SIPA1: variants seen among roughly 807,000 people sequenced by gnomAD.
SIPA1 encodes the protein signal-induced proliferation-associated protein 1.
In SIPA1, 51 loss-of-function variants were observed where a neutral mutation model predicts 88.1. The observed-to-expected ratio is 0.58, with a 90% CI of 0.46 to 0.73. The LOEUF is 0.73. SIPA1 is among the 30% of genes least tolerant of loss of function. The probability of loss-of-function intolerance (pLI) is 0.00; values close to 1 mark genes in which losing one functional copy is unlikely to be tolerated. For synonymous variants in SIPA1, 681 were observed against 664.8 expected (o/e 1.02, Z -0.37); for missense variants, 1,348 against 1,467.6 (o/e 0.92, Z 1.33).
At position 65,650,405 on chromosome 11, in the gene SIPA1, G is replaced by A; in HGVS notation, c.2908G>A (p.Glu970Lys). 6.2e-7 allele frequency: 1 copy of A among 1,614,024 alleles called. No homozygotes were observed. Among genetic ancestry groups the A allele is most frequent in the Non-Finnish European group, 8.5e-7 (1 of 1,179,970 alleles). ...KGTPKSDAEP[E>K]PGNLSEKVSH... ...TCTTGACCCCCATGTCTTCAGGCCA[G>A]AGCCTGGGAACCTCTCAGAGAAGGT... The change falls in exon 15 of 16, where the codon GAG becomes AAG. Residue 970 changes from glutamate (E) to lysine (K), a missense_variant. Transcript: ENST00000534313.
rs182387270 is a variant in SIPA1, at chr11:65,643,064, T to C, written c.984+425T>C. Among the ~76,000 whole-genome samples, 1,276 of 152,152 alleles carry C rather than the reference T, an allele frequency of 8.4e-3. 19 individuals carry two copies. Among genetic ancestry groups the C allele is most frequent in the African/African-American group, 0.03 (1,228 of 41,490 alleles). ...CTGAGTAGCTGGGATTACAGGTGCATGCCACCACGCCCAGCTAATTTTTGT... is the reference window on the plus strand; with the variant it reads ...CTGAGTAGCTGGGATTACAGGTGCACGCCACCACGCCCAGCTAATTTTTGT... On this transcript the variant is annotated intron_variant, in intron 4 of 15. Coordinates refer to ENST00000534313, the MANE Select transcript of SIPA1 (RefSeq NM_006747.4).
chr11:65,649,935 T>A lies in SIPA1; in HGVS notation c.2747-15T>A. ...CCTGGGCTTCCCTAGCTCAGCCTGC[T>A]CCTTGTGCCCACAGTCATGTCGGAG... is the stretch of plus-strand genomic sequence containing the variant. On this transcript the variant is annotated splice_polypyrimidine_tract_variant and intron_variant, in intron 12 of 15. Transcript: ENST00000534313. 1 of 1,613,798 alleles carries A rather than the reference T, an allele frequency of 6.2e-7. No individual in the cohort carries two copies.
intron 9 of SIPA1, 50 bp downstream of exon 9, chr11:65,647,708 C>T: frequency 7.8e-7 from 1 of 1,288,188 alleles, no homozygotes; most frequent in Non-Finnish European, 9.9e-7. Flanking sequence ...AGTTGGCCAC[C>T]GCGCAGTCTG....
intron 8 of SIPA1, 75 bp from the exon 9 acceptor site, chr11:65,647,309 C>T: frequency 7.3e-7 from 1 of 1,367,866 alleles, no homozygotes; most frequent in East Asian, 3.0e-5. Flanking sequence ...TGGCCTGGGA[C>T]GCAGTCCAGG....
At position 65,649,644 on chromosome 11, in the gene SIPA1, G is replaced by A; in HGVS notation, c.2609G>A (p.Ser870Asn). 1.2e-6 allele frequency: 2 copies of A among 1,614,044 alleles called. No homozygotes were observed. Among genetic ancestry groups the A allele is most frequent in the Non-Finnish European group, 8.5e-7 (1 of 1,180,024 alleles). The change falls in exon 11 of 16, where the codon AGT becomes AAT. Residue 870 changes from serine to asparagine, a missense_variant. By Grantham distance (46) the Ser-to-Asn change is conservative (BLOSUM62 1). Coordinates refer to ENST00000534313, the MANE Select transcript of SIPA1 (RefSeq NM_006747.4). ...LATTAKPSVPSADSETPLTQD... is the reference protein window; with the variant it reads ...LATTAKPSVPNADSETPLTQD... ...ACCACAGCCAAGCCATCAGTACCCA[G>A]TGCTGACAGTGAGACACCCCTGACC... is the stretch of plus-strand genomic sequence containing the variant.
chr11:65,638,614 C>T (rs1161013651), intron 1 of SIPA1, among the ~76,000 whole-genome samples: 1 of 152,218 alleles, frequency 6.6e-6, no homozygotes, highest in East Asian at 1.9e-4. Context: ...GGGGTCATGA[C>T]CTCCAGATGT....
At position 65,644,286 on chromosome 11, in the gene SIPA1, C is replaced by T. The variant is rs183303605; in HGVS notation, c.985-669C>T. On this transcript the variant is annotated intron_variant, in intron 4 of 15. Coordinates refer to ENST00000534313, the MANE Select transcript of SIPA1 (RefSeq NM_006747.4). Reference sequence around the variant, plus strand: ...GAGAAGAGGCCCAGGCAGAAGAGGGCGGGGTTCCTGGGGCCCTAGGCAAGG... The same window carrying T: ...GAGAAGAGGCCCAGGCAGAAGAGGGTGGGGTTCCTGGGGCCCTAGGCAAGG... Among the ~76,000 whole-genome samples the T allele has an allele frequency of 2.1e-3, 311 of 150,386 alleles. 3 individuals carry two copies. Among genetic ancestry groups the T allele is most frequent in the East Asian group, 8.7e-3 (44 of 5,074 alleles).
rs1213522757 is a variant in SIPA1 at position 65,645,931 on chromosome 11, C to T, written c.1237C>T (p.Pro413Ser). The change falls in exon 6 of 16, where the codon CCT (proline) becomes TCT (serine). Residue 413 changes from proline (P) to serine (S), a missense_variant. Physicochemically the swap from Pro to Ser is moderately conservative, Grantham distance 74. Transcript: ENST00000534313. ...CATGTTCCACGTGTCCACGATGCTG[C>T]CTTACACCCCTAATAACCAGCAGCA... Reference protein sequence around the residue: ...EIMFHVSTMLPYTPNNQQQLL... With the variant: ...EIMFHVSTMLSYTPNNQQQLL... The T allele has an allele frequency of 6.2e-7, 1 of 1,613,110 alleles. No individual in the cohort carries two copies. Among genetic ancestry groups the T allele is most frequent in the Non-Finnish European group, 8.5e-7 (1 of 1,179,452 alleles).
In SIPA1 at chr11:65,650,580, C is replaced by T. The variant is rs1369682055; in HGVS notation, c.2994C>T (p.Asp998=). 17 of 1,600,412 alleles carry T rather than the reference C, an allele frequency of 1.1e-5. No individual in the cohort carries two copies. The highest frequency in any genetic ancestry group is 1.4e-5 in the Non-Finnish European group (16 of 1,173,256). Reference sequence around the variant, plus strand: ...CCCCGGCACCCCAGGAGAAGGCGGACAGGGCGGCCCTGGAGGAGGAGGTGC... The same window carrying T: ...CCCCGGCACCCCAGGAGAAGGCGGATAGGGCGGCCCTGGAGGAGGAGGTGC... The part of the protein sequence containing the change: ...LQEDLQKEKA[D]RAALEEEVRS... The change falls in exon 16 of 16, where the codon GAC becomes GAT. Residue 998 remains aspartate (D), a synonymous_variant. Coordinates refer to ENST00000534313, the MANE Select transcript of SIPA1 (RefSeq NM_006747.4).
Position 65,646,248 on chromosome 11 carries a change from G to T in SIPA1, c.1291G>T (p.Asp431Tyr), listed in dbSNP as rs775850940. Reference sequence around the variant, plus strand: ...CCTCCGGAAGCGCCACATTGGCAACGACATTGTGACCATCGTGTTCCAGGA... The same window carrying T: ...CCTCCGGAAGCGCCACATTGGCAACTACATTGTGACCATCGTGTTCCAGGA... ...QLLRKRHIGN[D>Y]IVTIVFQEPG... Residue 431 changes from aspartate (D) to tyrosine (Y), a missense_variant, in exon 7 of 16, where the codon GAC becomes TAC. Around this residue, in one of 4 missense-constraint regions of SIPA1, gnomAD observed 641 missense variants for 797.7 expected, o/e 0.80. Coordinates refer to ENST00000534313, the MANE Select transcript of SIPA1 (RefSeq NM_006747.4). This position sits in a 1 kb window ranked among gnomAD's most constrained non-coding sequence, Gnocchi z 7.5. The T allele has an allele frequency of 6.2e-7, 1 of 1,614,082 alleles. No homozygotes were observed. The highest frequency in any genetic ancestry group is 8.5e-7 in the Non-Finnish European group (1 of 1,179,996).
At position 65,647,605 on chromosome 11, in the gene SIPA1, GC is replaced by G; in HGVS notation, c.2256del (p.Lys753ArgfsTer46). On this transcript the variant is annotated frameshift_variant, in exon 9 of 16. Coordinates refer to ENST00000534313, the MANE Select transcript of SIPA1 (RefSeq NM_006747.4). LOFTEE classifies it high-confidence loss of function. ...EAAAQLLRSA[P>X]KVCVTVLPPD... ...CCGCTGCCCAGCTCCTGCGCTCGGC[GC>G]CCAAGGTCTGCGTCACCGTCCTGCC... The G allele has an allele frequency of 1.4e-6, 2 of 1,403,394 alleles. No individual in the cohort carries two copies. Among genetic ancestry groups the G allele is most frequent in the Non-Finnish European group, 1.8e-6 (2 of 1,082,630 alleles). 86.9% of individuals were successfully genotyped at this position (1,403,394 alleles called of 1,614,324 possible). A position where few individuals can be genotyped will look rare whatever the true frequency, so the allele number is the denominator to read the frequency against.
chr11:65,642,633 G>A lies in SIPA1; in HGVS notation c.978G>A (p.Glu326=). Residue 326 remains glutamate (E), a synonymous_variant, in exon 4 of 16, where the codon GAG becomes GAA. Transcript: ENST00000534313. This position sits in a 1 kb window ranked among gnomAD's most constrained non-coding sequence, Gnocchi z 6.5. ...KVPRTLLTLD[E]QVLSFQRKVG... is the part of the protein sequence containing the mutation. Reference sequence around the variant, plus strand: ...CACGGACGCTGCTCACACTGGATGAGCAAGTGGTGAGTGGCGGGCCGCGGA... The same window carrying A: ...CACGGACGCTGCTCACACTGGATGAACAAGTGGTGAGTGGCGGGCCGCGGA... 1 of 1,560,022 alleles carries A rather than the reference G, an allele frequency of 6.4e-7. No homozygotes were observed. Among genetic ancestry groups the A allele is most frequent in the Non-Finnish European group, 8.7e-7 (1 of 1,155,404 alleles).
At position 65,646,528 on chromosome 11, in the gene SIPA1, A is replaced by T; in HGVS notation, c.1494A>T (p.Ala498=). ...PALPAGGGPF[A]ANADFRAFLL... ...TGCCTGCTGGCGGAGGCCCCTTCGC[A>T]GCCAACGCCGACTTCCGGGCCTTCC... The change falls in exon 8 of 16, where the codon GCA becomes GCT. Residue 498 remains alanine, a synonymous_variant. Transcript: ENST00000534313. The surrounding 1 kb of genome is among the most constrained non-coding windows in gnomAD (Gnocchi z 7.5). 1 of 1,566,480 alleles carries T rather than the reference A, an allele frequency of 6.4e-7. No homozygotes were observed. The highest frequency in any genetic ancestry group is 8.6e-7 in the Non-Finnish European group (1 of 1,162,798).
chr11:65,645,810 T>C (rs1458526408), intron 5 of SIPA1, 44 bp from the exon 6 acceptor site: 4 of 1,438,466 alleles, frequency 2.8e-6, no homozygotes, highest in African/African-American at 1.4e-5. Context: ...CCACTTAGAT[T>C]CCCCTTGTTT....
Position 65,649,452 on chromosome 11 carries a change from C to T in SIPA1, c.2497C>T (p.His833Tyr). The T allele has an allele frequency of 6.2e-7, 1 of 1,610,280 alleles. No individual in the cohort carries two copies. Among genetic ancestry groups the T allele is most frequent in the Non-Finnish European group, 8.5e-7 (1 of 1,178,176 alleles). Residue 833 changes from histidine to tyrosine, a missense_variant, in exon 10 of 16, where the codon CAC (histidine) becomes TAC (tyrosine). Coordinates refer to ENST00000534313, the MANE Select transcript of SIPA1 (RefSeq NM_006747.4). Reference sequence around the variant, plus strand: ...GGCCGAGGAGAGGACTGAGTTCCTGCACAGCCAGAACTCGCTGTCACCACG... The same window carrying T: ...GGCCGAGGAGAGGACTGAGTTCCTGTACAGCCAGAACTCGCTGTCACCACG... ...DLAEERTEFL[H>Y]SQNSLSPRSS...
intron 8 of SIPA1, 66 bp from the exon 9 acceptor site, chr11:65,647,318 G>A (rs540171854): frequency 2.9e-5 from 40 of 1,368,846 alleles, no homozygotes; most frequent in Non-Finnish European, 3.6e-5. Flanking sequence ...ACGCAGTCCA[G>A]GGGGCGGGCG....
chr11:65,641,879 C>T (rs1856010753), intron 2 of SIPA1, among the ~76,000 whole-genome samples: 1 of 152,208 alleles, frequency 6.6e-6, no homozygotes, highest in Non-Finnish European at 1.5e-5. Context: ...GAGAGATTCC[C>T]TATGGGCTTT....
At chr11:65,639,453 G>C (rs1354271261) in intron 1 of SIPA1, among the ~76,000 whole-genome samples, 2 of 152,212 alleles carry the variant, frequency 1.3e-5, no homozygotes, top group African/African-American at 4.8e-5. Context: ...CTCAAGGTCA[G>C]CATGGGAGTT....
At position 65,650,681 on chromosome 11, in the gene SIPA1, A is replaced by T; in HGVS notation, c.3095A>T (p.Lys1032Met). Residue 1032 changes from lysine (K) to methionine (M), a missense_variant, in exon 16 of 16, where the codon AAG becomes ATG. Lys to Met is a moderately conservative substitution (Grantham distance 95, BLOSUM62 -1). Transcript: ENST00000534313. ...SAATRLLLAS[K>M]QLGSPTADLA ...GCCACACGCCTCCTCCTGGCCTCCA[A>T]GCAGCTGGGCTCACCCACCGCCGAC... is the stretch of plus-strand genomic sequence containing the variant. 2 of 1,580,278 alleles carry T rather than the reference A, an allele frequency of 1.3e-6. No homozygotes were observed. Among genetic ancestry groups the T allele is most frequent in the South Asian group, 2.3e-5 (2 of 86,862 alleles).
Sources: gnomAD v4.1 joint callset for allele counts (sites outside exome capture counted in the v4.1 genomes callset) on GRCh38, gnomAD v4.1.1 for gene constraint, gnomAD v4.1.1 regional missense constraint, Gnocchi (gnomAD v3.1) non-coding constraint, MANE v1.5 for transcripts, NCBI Gene and HGNC (gene_info 2026-07-23, HGNC 2026-07-21) for gene names.